PYY: variants seen among roughly 807,000 people sequenced by gnomAD.
The protein encoded by PYY is peptide tyrosine tyrosine.
In PYY, 12 loss-of-function variants were observed where a neutral mutation model predicts 10.3. The ratio of observed to expected loss-of-function variants is 1.17; its 90% confidence interval spans 0.75 to 1.89. PYY has a LOEUF of 1.89. Among genes scored for constraint, PYY ranks in the 40% most tolerant of loss-of-function variants. The probability of loss-of-function intolerance (pLI) is 0.00; values close to 1 mark genes in which losing one functional copy is unlikely to be tolerated. For missense variants in PYY, 141 were observed against 134.0 expected (o/e 1.05, Z -0.26); for synonymous variants, 66 against 62.0 (o/e 1.06, Z -0.30).
intron 1 of PYY, among the ~76,000 whole-genome samples, chr17:43,980,216 T>G (rs2048873869): frequency 7.5e-6 from 1 of 133,142 alleles, no homozygotes; most frequent in South Asian, 2.6e-4. Context: ...CAGGCTGGAG[T>G]GCAATGGCAC....
At chr17:43,978,826 C>A (rs561922301) in intron 1 of PYY, among the ~76,000 whole-genome samples, 1 of 152,286 alleles carries the variant, frequency 6.6e-6, no homozygotes, top group South Asian at 2.1e-4. Flanking sequence ...GGTTGGGGCC[C>A]CTCCCTGTGC....
At chr17:44,002,122 T>C (rs2049031729) in intron 1 of PYY, among the ~76,000 whole-genome samples, 1 of 152,068 alleles carries the variant, frequency 6.6e-6, no homozygotes, top group African/African-American at 2.4e-5. Context: ...GAACCCAAGA[T>C]TTCTAAGTGG....
At chr17:43,996,360 A>G (rs1004931445) in intron 1 of PYY, among the ~76,000 whole-genome samples, 12 of 152,154 alleles carry the variant, frequency 7.9e-5, no homozygotes, top group Admixed American at 7.9e-4. Flanking sequence ...GACTGCAACC[A>G]CATGAGAAAC....
upstream of PYY, among the ~76,000 whole-genome samples, chr17:43,957,153 G>A (rs1016916421): frequency 1.3e-5 from 2 of 148,626 alleles, no homozygotes; most frequent in South Asian, 2.1e-4. Flanking sequence ...AGCCAAGATC[G>A]CGCCACTGTA....
chr17:43,973,375 G>T (rs1333876264), intron 1 of PYY, among the ~76,000 whole-genome samples: 1 of 152,112 alleles, frequency 6.6e-6, no homozygotes, highest in Admixed American at 6.6e-5. Flanking sequence ...TATTAAATCT[G>T]AACTCAATTG....
At chr17:43,963,601 A>G (rs1053311449) in intron 2 of PYY, among the ~76,000 whole-genome samples, 5 of 85,812 alleles carry the variant, frequency 5.8e-5, no homozygotes, top group Non-Finnish European at 1.4e-4. Context: ...AAAGAAAGAA[A>G]GAAAGAAAGA....
chr17:43,986,980 A>G (rs942740047), intron 1 of PYY, among the ~76,000 whole-genome samples: 1 of 152,228 alleles, frequency 6.6e-6, no homozygotes, highest in African/African-American at 2.4e-5. Flanking sequence ...CAGAGAGATT[A>G]TGCGACCTGC....
At chr17:43,955,418 C>T (rs1450239724), upstream of PYY, among the ~76,000 whole-genome samples, 1 of 152,154 alleles carries the variant, frequency 6.6e-6, no homozygotes, top group Non-Finnish European at 1.5e-5. Context: ...GAGTTCAGGG[C>T]TCTCTGTCAC....
chr17:43,977,862 A>G (rs1324701108), intron 1 of PYY, among the ~76,000 whole-genome samples: 1 of 152,168 alleles, frequency 6.6e-6, no homozygotes, highest in Non-Finnish European at 1.5e-5. Context: ...AGTGAGCCTC[A>G]GGGGCCTGTG....
chr17:43,997,285 C>T (rs1448669180), intron 1 of PYY, among the ~76,000 whole-genome samples: 5 of 151,800 alleles, frequency 3.3e-5, no homozygotes, highest in Non-Finnish European at 5.9e-5. Flanking sequence ...GTGATCCACC[C>T]GCCTTGGCCT....
chr17:43,986,748 C>T (rs754940909), intron 1 of PYY, among the ~76,000 whole-genome samples: 26 of 152,292 alleles, frequency 1.7e-4, no homozygotes, highest in African/African-American at 5.8e-4. Flanking sequence ...CAGGAGCCAC[C>T]GTCAGCGCAG....
At chr17:43,972,841 C>T (rs1239268324) in intron 1 of PYY, among the ~76,000 whole-genome samples, 1 of 152,164 alleles carries the variant, frequency 6.6e-6, no homozygotes, top group African/African-American at 2.4e-5. Flanking sequence ...CTCAGCCTCC[C>T]AGGTAGCTGG....
In PYY at chr17:43,952,951, G is replaced by C; in HGVS notation, c.*5C>G. 1 of 1,547,318 alleles carries C rather than the reference G, an allele frequency of 6.5e-7. No individual in the cohort carries two copies. The highest frequency in any genetic ancestry group is 1.2e-5 in the South Asian group (1 of 80,904). On this transcript the variant is annotated 3_prime_UTR_variant, in exon 4 of 4. Transcript: ENST00000692052. ...GGCAGATCTCCCAGGAGGCCTCAGG[G>C]GTCCTCACCACAGGTCTGGGCCCTC...
At chr17:44,001,675 G>A (rs1046433149) in intron 1 of PYY, among the ~76,000 whole-genome samples, 4 of 152,164 alleles carry the variant, frequency 2.6e-5, no homozygotes, top group Admixed American at 6.5e-5. Flanking sequence ...GTCAGAAGCC[G>A]CTTCCCAGCC....
intron 2 of PYY, among the ~76,000 whole-genome samples, chr17:43,960,901 G>A (rs946897071): frequency 1.3e-5 from 2 of 150,222 alleles, no homozygotes; most frequent in Admixed American, 6.6e-5. Context: ...CCAGGCCACC[G>A]GGATGAGAAA....
chr17:44,002,627 C>G (rs1224644788), intron 1 of PYY, among the ~76,000 whole-genome samples: 1 of 152,208 alleles, frequency 6.6e-6, no homozygotes, highest in Non-Finnish European at 1.5e-5. Context: ...GTTTTCAAGC[C>G]TTTCAACTCC....
At chr17:43,995,663 G>A (rs1439176037) in intron 1 of PYY, among the ~76,000 whole-genome samples, 12 of 151,752 alleles carry the variant, frequency 7.9e-5, no homozygotes, top group Non-Finnish European at 5.9e-5. Flanking sequence ...GTGAAACCCC[G>A]TCTCTACTAA....
intron 1 of PYY, among the ~76,000 whole-genome samples, chr17:43,984,949 T>G (rs1359278285): frequency 6.6e-6 from 1 of 152,164 alleles, no homozygotes; most frequent in East Asian, 1.9e-4. Flanking sequence ...AGTTGTTATA[T>G]AACTTTTATA....
chr17:43,986,952 C>T (rs1370474145), intron 1 of PYY, among the ~76,000 whole-genome samples: 1 of 152,200 alleles, frequency 6.6e-6, no homozygotes, highest in Non-Finnish European at 1.5e-5. Flanking sequence ...CCACATTACT[C>T]ATAGGGAAAC....
Sources: allele counts gnomAD v4.1 joint callset (sites outside exome capture counted in the v4.1 genomes callset), GRCh38; gene constraint gnomAD v4.1.1; transcripts MANE v1.5; gene names NCBI Gene and HGNC (gene_info 2026-07-23, HGNC 2026-07-21).